Variants in USP38 observed in about 807,000 individuals in gnomAD.
USP38 encodes the protein ubiquitin specific peptidase 38, also known as ubiquitin carboxyl-terminal hydrolase 38.
USP38 carries 49 observed loss-of-function variants against 94.3 expected under a neutral mutation model. The ratio of observed to expected loss-of-function variants is 0.52; its 90% CI spans 0.41 to 0.66. USP38 has a LOEUF of 0.66. Among genes scored for constraint, USP38 ranks in the 30% least tolerant of loss-of-function variants. The pLI is 0.00. For missense variants in USP38, 1,128 were observed against 1,229.4 expected, an observed-to-expected ratio of 0.92 and a Z score of 1.23; for synonymous variants, 468 against 463.6, an observed-to-expected ratio of 1.01 and a Z score of -0.12.
In USP38 at chr4:143,206,158, T is replaced by A. The variant is rs1381488567; in HGVS notation, c.1335T>A (p.Thr445=). The change falls in exon 6 of 10, where the codon ACT becomes ACA. Residue 445 remains threonine, a synonymous_variant. Transcript: ENST00000307017. ...CTGGAAAATCTGAAACTGGGAAAAC[T>A]GGTCTTATTAACCTAGGAAATACAT... ...RLSGKSETGK[T]GLINLGNTCY... is the part of the protein sequence containing the mutation. 1 of 1,613,840 alleles carries A rather than the reference T, an allele frequency of 6.2e-7. No individual in the cohort carries two copies. The highest frequency in any genetic ancestry group is 2.2e-5 in the East Asian group (1 of 44,844).
At chr4:143,215,187 C>T (rs982211900) in intron 9 of USP38, 2 of 469,980 alleles carry the variant, frequency 4.3e-6, no homozygotes, top group Non-Finnish European at 3.8e-6. Context: ...AAAGATGGCT[C>T]ATTCTGAAAT....
chr4:143,211,404 A>AAAAAT (rs1732020223), intron 7 of USP38, among the ~76,000 whole-genome samples: 1 of 152,124 alleles, frequency 6.6e-6, no homozygotes, highest in Non-Finnish European at 1.5e-5. Context: ...TCAGGTAATA[A>AAAAAT]GGTATATCCC....
chr4:143,220,417 TGG>T lies in USP38; in HGVS notation c.3091_3092del (p.Gly1031ArgfsTer4), dbSNP rs899667664. On this transcript the variant is annotated frameshift_variant, in exon 10 of 10. Coordinates refer to ENST00000307017, the MANE Select transcript of USP38 (RefSeq NM_032557.6). LOFTEE classifies it high-confidence loss of function. The part of the protein sequence containing the change: ...GSCGPTGGGG[G>X]GGFNTVGRLV... ...GCTGTGGACCAACTGGTGGAGGGGG[TGG>T]AGGAGGATTTAATACAGTTGGCAGA... 17 of 1,612,334 alleles carry T rather than the reference TGG, an allele frequency of 1.1e-5. No homozygotes were observed. Among genetic ancestry groups the T allele is most frequent in the Non-Finnish European group, 1.4e-5 (17 of 1,179,304 alleles).
intron 6 of USP38, among the ~76,000 whole-genome samples, chr4:143,207,506 C>T (rs1028425218): frequency 8.5e-5 from 13 of 152,100 alleles, no homozygotes; most frequent in African/African-American, 2.7e-4. Context: ...CCACTGCACT[C>T]CAGCCTGGGC....
intron 1 of USP38, among the ~76,000 whole-genome samples, chr4:143,187,069 C>T (rs1360364027): frequency 1.3e-5 from 2 of 152,076 alleles, no homozygotes; most frequent in African/African-American, 4.8e-5. Flanking sequence ...GATGTATTTG[C>T]AGTATCTGAG....
At chr4:143,218,634 T>C (rs531858084) in intron 9 of USP38, among the ~76,000 whole-genome samples, 4 of 152,136 alleles carry the variant, frequency 2.6e-5, no homozygotes, top group Non-Finnish European at 5.9e-5. Context: ...ATGGAGCTAC[T>C]AATTTTATAT....
chr4:143,207,470 G>A (rs559022888), intron 6 of USP38, among the ~76,000 whole-genome samples: 14 of 152,142 alleles, frequency 9.2e-5, no homozygotes, highest in Middle Eastern at 3.4e-3. Flanking sequence ...CCCAGGAGGC[G>A]GAGGTTGCAG....
At chr4:143,186,677 T>G (rs943131325) in intron 1 of USP38, among the ~76,000 whole-genome samples, 4 of 152,178 alleles carry the variant, frequency 2.6e-5, no homozygotes, top group African/African-American at 9.7e-5. Flanking sequence ...GGAATACAGA[T>G]AGAATGAGGG....
intron 9 of USP38, among the ~76,000 whole-genome samples, chr4:143,216,927 G>A (rs914911029): frequency 2.6e-5 from 4 of 151,980 alleles, no homozygotes; most frequent in African/African-American, 7.2e-5. Context: ...CTCAGGTCTC[G>A]GATAACCAAG....
At chr4:143,209,682 C>T (rs778393817) in intron 7 of USP38, 25 bp downstream of exon 7, 57 of 1,435,120 alleles carry the variant, frequency 4.0e-5, no homozygotes, top group East Asian at 1.6e-4. Context: ...GTATATAGTA[C>T]GTTTATGTTA....
At position 143,223,801 on chromosome 4, in the gene USP38, T is replaced by C. The variant is rs1732381029; in HGVS notation, c.*3345T>C. The C allele has an allele frequency of 1.3e-5, 2 of 152,116 alleles. No homozygotes were observed. Among genetic ancestry groups the C allele is most frequent in the Admixed American group, 6.6e-5 (1 of 15,244 alleles). 9.4% of individuals were successfully genotyped at this position (152,116 alleles called of 1,614,324 possible). A position where few individuals can be genotyped will look rare whatever the true frequency, so the allele number is the denominator to read the frequency against. On this transcript the variant is annotated 3_prime_UTR_variant, in exon 10 of 10. Transcript: ENST00000307017. ...AAATACTGTACATTTATATATAGTA[T>C]TTTTTCTCATAAAAATGTGATAGTT...
chr4:143,185,532 T>C lies in USP38; in HGVS notation c.82T>C (p.Ser28Pro). The C allele has an allele frequency of 6.2e-7, 1 of 1,613,514 alleles. No individual in the cohort carries two copies. The highest frequency in any genetic ancestry group is 8.5e-7 in the Non-Finnish European group (1 of 1,179,672). The change falls in exon 1 of 10, where the codon TCG becomes CCG. Residue 28 changes from serine (S) to proline (P), a missense_variant. Ser to Pro is a moderately conservative substitution (Grantham distance 74). Transcript: ENST00000307017. Reference protein sequence around the residue: ...KRVIVRKVVESAEHWLDEAQC... With the variant: ...KRVIVRKVVEPAEHWLDEAQC... ...GGTGATTGTGCGGAAGGTGGTGGAATCGGCGGAGCACTGGCTAGACGAGGC... is the reference window on the plus strand; with the variant it reads ...GGTGATTGTGCGGAAGGTGGTGGAACCGGCGGAGCACTGGCTAGACGAGGC...
intron 2 of USP38, among the ~76,000 whole-genome samples, chr4:143,189,069 G>A (rs935661990): frequency 6.6e-6 from 1 of 151,958 alleles, no homozygotes; most frequent in Non-Finnish European, 1.5e-5. Flanking sequence ...TAGACAGGAA[G>A]GGGGACAGGT....
At chr4:143,204,629 T>C (rs1371681208) in intron 5 of USP38, 1 of 310,118 alleles carries the variant, frequency 3.2e-6, no homozygotes, top group Middle Eastern at 1.2e-3. Context: ...GCTCAAGTGA[T>C]CCTCATCCTC....
At chr4:143,206,317 C>A in intron 6 of USP38, 91 bp downstream of exon 6, 1 of 1,101,766 alleles carries the variant, frequency 9.1e-7, no homozygotes, top group Non-Finnish European at 1.2e-6. Context: ...ACACATTATT[C>A]CTTATAAATG....
chr4:143,189,691 T>G (rs1731339275), intron 2 of USP38, among the ~76,000 whole-genome samples: 2 of 152,212 alleles, frequency 1.3e-5, no homozygotes, highest in African/African-American at 4.8e-5. Context: ...ATTCATTCCC[T>G]CTTTGACTTT....
Position 143,195,704 on chromosome 4 carries a change from CT to C in USP38, c.819-10del. On this transcript the variant is annotated splice_polypyrimidine_tract_variant and intron_variant, in intron 2 of 9. Transcript: ENST00000307017. ...TTTCAATAATGATTGTTTCATTTTCCTTCAATTTCAGAATGATTGACTGGCT... is the reference window on the plus strand; with the variant it reads ...TTTCAATAATGATTGTTTCATTTTCCTCAATTTCAGAATGATTGACTGGCT... The C allele has an allele frequency of 6.4e-7, 1 of 1,570,466 alleles. No individual in the cohort carries two copies. The highest frequency in any genetic ancestry group is 8.6e-7 in the Non-Finnish European group (1 of 1,160,378).
At chr4:143,194,688 A>G (rs562443381) in intron 2 of USP38, among the ~76,000 whole-genome samples, 2 of 152,142 alleles carry the variant, frequency 1.3e-5, no homozygotes, top group Non-Finnish European at 2.9e-5. Flanking sequence ...TTGTATTTTT[A>G]GTGGAGATGG....
At position 143,185,454 on chromosome 4, in the gene USP38, G is replaced by T. The variant is rs1477702667; in HGVS notation, c.4G>T (p.Asp2Tyr). 6.3e-7 allele frequency: 1 copy of T among 1,582,742 alleles called. No individual in the cohort carries two copies. Reference protein sequence around the residue: MDKILEGLVSSS... With the variant: MYKILEGLVSSS... ...CTGGCCTTGCAGCGTGGCGACAATG[G>T]ACAAGATCCTGGAGGGCCTTGTGAG... Residue 2 changes from aspartate (D) to tyrosine (Y), a missense_variant, in exon 1 of 10, where the codon GAC becomes TAC. Coordinates refer to ENST00000307017, the MANE Select transcript of USP38 (RefSeq NM_032557.6).
Sources: gnomAD v4.1 joint callset for allele counts (sites outside exome capture counted in the v4.1 genomes callset) on GRCh38, gnomAD v4.1.1 for gene constraint, MANE v1.5 for transcripts, NCBI Gene and HGNC (gene_info 2026-07-23, HGNC 2026-07-21) for gene names.